The following TPO variants were observed in gnomAD, a reference collection of about 807,000 sequenced individuals.
TPO encodes thyroid peroxidase.
TPO carries 78 observed loss-of-function variants against 96.9 expected under a neutral mutation model. That is an observed-to-expected ratio of 0.81 (90% confidence interval 0.67 to 0.97). The LOEUF (loss-of-function observed/expected upper bound fraction) is 0.97. TPO is among the 50% of genes least tolerant of loss of function. The pLI, the probability that TPO is intolerant of heterozygous loss-of-function variation, is 0.00. For synonymous variants in TPO, 547 were observed against 538.0 expected, an observed-to-expected ratio of 1.02 and a Z score of -0.23; for missense variants, 1,252 against 1,274.8, an observed-to-expected ratio of 0.98 and a Z score of 0.27.
intron 10 of TPO, among the ~76,000 whole-genome samples, chr2:1,490,884 T>C (rs1671714974): frequency 6.6e-6 from 1 of 152,208 alleles, no homozygotes; most frequent in Non-Finnish European, 1.5e-5. Context: ...CAAAACACTT[T>C]TTTGCTGCTG....
At chr2:1,538,998 C>G (rs1464984254) in intron 15 of TPO, among the ~76,000 whole-genome samples, 1 of 152,118 alleles carries the variant, frequency 6.6e-6, no homozygotes, top group African/African-American at 2.4e-5. Flanking sequence ...TCAAATGCCC[C>G]TATTCCTATA....
chr2:1,527,113 C>T (rs1476178036), intron 15 of TPO, among the ~76,000 whole-genome samples: 2 of 133,600 alleles, frequency 1.5e-5, no homozygotes, highest in African/African-American at 2.9e-5. Context: ...CTGCAACCTC[C>T]GCAAATACCC....
intron 5 of TPO, chr2:1,438,976 A>G (rs921507762): frequency 6.1e-6 from 4 of 654,392 alleles, no homozygotes; most frequent in East Asian, 2.7e-5. Context: ...TGGGTCCTGC[A>G]GTAGAGCCTG....
intron 5 of TPO, 31 bp downstream of exon 5, chr2:1,436,415 G>T: frequency 6.2e-7 from 1 of 1,613,896 alleles, no homozygotes; most frequent in Non-Finnish European, 8.5e-7. Context: ...TAATCTTCTC[G>T]TGAAAGTTGG....
At chr2:1,410,502 C>T (rs1316356782), upstream of TPO, among the ~76,000 whole-genome samples, 3 of 152,202 alleles carry the variant, frequency 2.0e-5, no homozygotes, top group Non-Finnish European at 4.4e-5. Flanking sequence ...ACAGAACACA[C>T]GATGTCTGCA....
intron 5 of TPO, among the ~76,000 whole-genome samples, chr2:1,453,063 C>T (rs1667452638): frequency 6.6e-6 from 1 of 152,214 alleles, no homozygotes; most frequent in Non-Finnish European, 1.5e-5. Context: ...ATCGCCAAAT[C>T]AAACAGCCAA....
At chr2:1,391,945 A>G (rs2148359385) in intron 1 of TPO, among the ~76,000 whole-genome samples, 1 of 152,300 alleles carries the variant, frequency 6.6e-6, no homozygotes, top group African/African-American at 2.4e-5. Flanking sequence ...TAAATATACA[A>G]TCATGTCATC....
intron 14 of TPO, among the ~76,000 whole-genome samples, chr2:1,516,607 C>T (rs747029429): frequency 6.6e-6 from 1 of 152,194 alleles, no homozygotes; most frequent in Non-Finnish European, 1.5e-5. Flanking sequence ...TCCTGCAGGA[C>T]GCGTCCATGC....
At chr2:1,454,697 G>A (rs968704298) in intron 6 of TPO, among the ~76,000 whole-genome samples, 4 of 152,146 alleles carry the variant, frequency 2.6e-5, no homozygotes, top group Non-Finnish European at 4.4e-5. Flanking sequence ...CCTAAAATGG[G>A]ATAAGACTGT....
intron 7 of TPO, among the ~76,000 whole-genome samples, chr2:1,472,275 T>C (rs921983695): frequency 2.6e-5 from 4 of 151,898 alleles, no homozygotes; most frequent in African/African-American, 9.7e-5. Flanking sequence ...GTGTCCTTTC[T>C]GTGATCCAAA....
intron 5 of TPO, among the ~76,000 whole-genome samples, chr2:1,438,116 G>C (rs529736085): frequency 8.6e-5 from 13 of 151,842 alleles, no homozygotes; most frequent in South Asian, 4.2e-4. Context: ...GACTACACGG[G>C]GAGGAGCAGG....
At chr2:1,425,673 T>C (rs1664296442) in intron 3 of TPO, among the ~76,000 whole-genome samples, 1 of 152,130 alleles carries the variant, frequency 6.6e-6, no homozygotes, top group African/African-American at 2.4e-5. Flanking sequence ...GTAAAGTCAT[T>C]GTTCTAGATG....
chr2:1,431,578 G>T (rs1485640853), intron 3 of TPO, among the ~76,000 whole-genome samples: 2 of 152,128 alleles, frequency 1.3e-5, no homozygotes, highest in Non-Finnish European at 2.9e-5. Flanking sequence ...GATCACTACC[G>T]TCAAACAAAG....
At chr2:1,388,377 C>T (rs1019489758) in intron 1 of TPO, among the ~76,000 whole-genome samples, 60 of 152,294 alleles carry the variant, frequency 3.9e-4, no homozygotes, top group African/African-American at 1.0e-3. Flanking sequence ...GCTTCCTGGC[C>T]GCTTTGTTTA....
At chr2:1,434,797 A>G (rs1233088423) in intron 4 of TPO, among the ~76,000 whole-genome samples, 1 of 152,240 alleles carries the variant, frequency 6.6e-6, no homozygotes, top group Admixed American at 6.5e-5. Context: ...TTGAAAATTT[A>G]GAACACGAGG....
At chr2:1,461,829 G>C (rs539747396) in intron 7 of TPO, among the ~76,000 whole-genome samples, 29 of 152,184 alleles carry the variant, frequency 1.9e-4, no homozygotes, top group Non-Finnish European at 3.4e-4. Context: ...TGCGGACCCT[G>C]TGTAACTCAG....
At chr2:1,388,813 G>C (rs917596411) in intron 1 of TPO, among the ~76,000 whole-genome samples, 3 of 152,168 alleles carry the variant, frequency 2.0e-5, no homozygotes, top group African/African-American at 7.2e-5. Context: ...CACACTGGGA[G>C]CTGTAGACTG....
At chr2:1,523,171 G>C (rs1675560604) in intron 15 of TPO, among the ~76,000 whole-genome samples, 1 of 130,340 alleles carries the variant, frequency 7.7e-6, no homozygotes, top group Non-Finnish European at 1.6e-5. Context: ...CACACTGTGT[G>C]CAACCTCCTC....
At chr2:1,464,119 G>T (rs1668687546) in intron 7 of TPO, among the ~76,000 whole-genome samples, 1 of 152,120 alleles carries the variant, frequency 6.6e-6, no homozygotes, top group Non-Finnish European at 1.5e-5. Flanking sequence ...CATAGCTGAG[G>T]TGTCACTTAT....
Sources: gnomAD v4.1 joint callset for allele counts (sites outside exome capture counted in the v4.1 genomes callset) on GRCh38, gnomAD v4.1.1 for gene constraint, MANE v1.5 for transcripts, NCBI Gene and HGNC (gene_info 2026-07-23, HGNC 2026-07-21) for gene names.